The following LINGO2 variants were observed in gnomAD, a reference collection of about 807,000 sequenced individuals.
LINGO2 encodes leucine rich repeat and Ig domain containing 2.
In LINGO2, 14 loss-of-function variants were observed where a neutral mutation model predicts 30.6. The observed-to-expected ratio is 0.46, with a 90% CI of 0.30 to 0.72. LINGO2 has a LOEUF of 0.72. LINGO2 is among the 30% of genes least tolerant of loss of function. The pLI is 0.07. For missense variants in LINGO2, 729 were observed against 751.7 expected, an observed-to-expected ratio of 0.97 and a Z score of 0.35; for synonymous variants, 317 against 288.5, an observed-to-expected ratio of 1.10 and a Z score of -1.00.
At chr9:28,673,519 T>G (rs2136052499), upstream of LINGO2, among the ~76,000 whole-genome samples, 1 of 151,668 alleles carries the variant, frequency 6.6e-6, no homozygotes, top group South Asian at 2.1e-4. Flanking sequence ...ATAAAAACAT[T>G]AGTGAGTTGT....
the LINGO2 span, among the ~76,000 whole-genome samples, chr9:28,950,598 A>G: frequency 6.6e-6 from 1 of 152,160 alleles, no homozygotes; most frequent in Non-Finnish European, 1.5e-5. Flanking sequence ...CTATACAACA[A>G]TAATAGACAA....
chr9:28,433,034 A>C (rs1823743768), intron 2 of LINGO2, among the ~76,000 whole-genome samples: 1 of 152,134 alleles, frequency 6.6e-6, no homozygotes, highest in South Asian at 2.1e-4. Context: ...TCTTGAAAAA[A>C]CATAGATTCA....
chr9:28,055,362 T>C (rs535304769), intron 4 of LINGO2, among the ~76,000 whole-genome samples: 13 of 152,244 alleles, frequency 8.5e-5, no homozygotes, highest in African/African-American at 3.1e-4. Flanking sequence ...TCAAATAAAC[T>C]CTAAACAAGC....
the LINGO2 span, among the ~76,000 whole-genome samples, chr9:28,948,565 T>TA: frequency 1.3e-5 from 2 of 152,034 alleles, no homozygotes; most frequent in Admixed American, 6.6e-5. Flanking sequence ...ACATACCACT[T>TA]AAAAGTCAAA....
In LINGO2 at chr9:28,223,904, A is replaced by C. The variant is rs1821053304; in HGVS notation, c.-87+71304T>G. ...CCCAAAATAAGATAATGGGTTTTGTAGTAGATATTTTGAGTTTGGTGTGGC... is the reference window on the plus strand; with the variant it reads ...CCCAAAATAAGATAATGGGTTTTGTCGTAGATATTTTGAGTTTGGTGTGGC... On this transcript the variant is annotated intron_variant, in intron 4 of 5. Transcript: ENST00000379992. Among the ~76,000 whole-genome samples, 3 of 152,322 alleles carry C rather than the reference A, an allele frequency of 2.0e-5. No individual in the cohort carries two copies. In the South Asian group the frequency reaches 6.2e-4, roughly 32 times the overall value.
chr9:28,282,842 C>G (rs1823376340), intron 4 of LINGO2, among the ~76,000 whole-genome samples: 1 of 152,122 alleles, frequency 6.6e-6, no homozygotes, highest in African/African-American at 2.4e-5. Flanking sequence ...AAAGAATTTA[C>G]TTTTAGTTCT....
At chr9:28,751,676 T>A in the LINGO2 span, among the ~76,000 whole-genome samples, 172 of 152,170 alleles carry the variant, frequency 1.1e-3, 1 homozygote, top group African/African-American at 4.0e-3. Flanking sequence ...TAGTGTTTTG[T>A]TTATTTTATT....
At chr9:28,306,310 G>A (rs1026237928) in intron 3 of LINGO2, among the ~76,000 whole-genome samples, 7 of 152,012 alleles carry the variant, frequency 4.6e-5, no homozygotes, top group Non-Finnish European at 8.8e-5. Flanking sequence ...AAGGATGGAA[G>A]GGAGGAAGAA....
intron 4 of LINGO2, among the ~76,000 whole-genome samples, chr9:28,076,770 G>T (rs1287299892): frequency 2.6e-5 from 4 of 152,096 alleles, no homozygotes; most frequent in African/African-American, 7.2e-5. Flanking sequence ...GCACATTAAA[G>T]GTCCATTCCA....
At chr9:29,087,294 C>T in the LINGO2 span, among the ~76,000 whole-genome samples, 1 of 152,136 alleles carries the variant, frequency 6.6e-6, no homozygotes, top group Non-Finnish European at 1.5e-5. Context: ...AGTGATGATG[C>T]TTATCTTGAA....
chr9:29,029,412 T>C, the LINGO2 span, among the ~76,000 whole-genome samples: 34 of 152,320 alleles, frequency 2.2e-4, no homozygotes, highest in African/African-American at 7.7e-4. Flanking sequence ...TTATTCTTAT[T>C]AGATGCTCAG....
the LINGO2 span, among the ~76,000 whole-genome samples, chr9:29,200,930 G>T: frequency 6.6e-6 from 1 of 151,664 alleles, no homozygotes; most frequent in Non-Finnish European, 1.5e-5. Flanking sequence ...TTTCATGATT[G>T]GACTAAAGTT....
At chr9:28,600,183 C>G (rs890903759) in intron 1 of LINGO2, among the ~76,000 whole-genome samples, 1 of 152,064 alleles carries the variant, frequency 6.6e-6, no homozygotes, top group African/African-American at 2.4e-5. Context: ...TCAGTTTATA[C>G]TTAAAAGGTA....
intron 4 of LINGO2, among the ~76,000 whole-genome samples, chr9:28,271,520 G>A (rs574085994): frequency 6.6e-6 from 1 of 152,280 alleles, no homozygotes; most frequent in Admixed American, 6.5e-5. Flanking sequence ...AATGGCACAT[G>A]ATAGAATAAC....
At chr9:28,630,755 A>G (rs933795089) in intron 1 of LINGO2, among the ~76,000 whole-genome samples, 2 of 152,108 alleles carry the variant, frequency 1.3e-5, no homozygotes, top group African/African-American at 4.8e-5. Context: ...TCAACCTTAC[A>G]TAATATTTAT....
intron 1 of LINGO2, among the ~76,000 whole-genome samples, chr9:28,486,451 T>C (rs1030709794): frequency 1.3e-5 from 2 of 152,048 alleles, no homozygotes; most frequent in African/African-American, 4.8e-5. Context: ...GAAAAAAAAA[T>C]GTTTATTCCA....
At chr9:27,970,331 TATAA>T (rs1820295395) in intron 5 of LINGO2, among the ~76,000 whole-genome samples, 1 of 152,180 alleles carries the variant, frequency 6.6e-6, no homozygotes, top group Non-Finnish European at 1.5e-5. Flanking sequence ...GGGGATCTGT[TATAA>T]ATACTCTTGT....
At chr9:28,065,045 C>G (rs1482820662) in intron 4 of LINGO2, among the ~76,000 whole-genome samples, 1 of 151,608 alleles carries the variant, frequency 6.6e-6, no homozygotes, top group Non-Finnish European at 1.5e-5. Context: ...TGCTTGAGGA[C>G]AAGACAAGCT....
chr9:28,203,863 A>AC (rs1820321522), intron 4 of LINGO2, among the ~76,000 whole-genome samples: 1 of 152,094 alleles, frequency 6.6e-6, no homozygotes, highest in Admixed American at 6.6e-5. Context: ...TAAAAAGCAA[A>AC]CCCAAAAATG....
Sources: allele counts gnomAD v4.1 joint callset (sites outside exome capture counted in the v4.1 genomes callset), GRCh38; gene constraint gnomAD v4.1.1; transcripts MANE v1.5; gene names NCBI Gene and HGNC (gene_info 2026-07-23, HGNC 2026-07-21).